Variants in PNKD observed in about 807,000 individuals in gnomAD.
PNKD encodes probable thioesterase PNKD.
Under a neutral mutation model 45.3 loss-of-function variants are expected in PNKD, and 36 were observed. That is an observed-to-expected ratio of 0.80 (90% confidence interval 0.61 to 1.05). The LOEUF is 1.05. Ranked by LOEUF, PNKD falls within the 50% of genes least tolerant of loss-of-function variation. PNKD has a pLI of 0.00. For missense variants in PNKD, 511 were observed against 506.6 expected (o/e 1.01, Z -0.08); for synonymous variants, 197 against 210.1 (o/e 0.94, Z 0.54).
chr2:218,342,687 G>A (rs969866915), intron 7 of PNKD, among the ~76,000 whole-genome samples: 2 of 151,934 alleles, frequency 1.3e-5, no homozygotes, highest in African/African-American at 4.8e-5. Context: ...AAGACAGAGT[G>A]AGACTCTGTC....
Position 218,318,950 on chromosome 2 carries a change from C to CTTTTTTTTT in PNKD, c.237-20819_237-20811dup, listed in dbSNP as rs769001811. Among the ~76,000 whole-genome samples the CTTTTTTTTT allele has an allele frequency of 2.6e-4, 26 of 99,906 alleles. 1 individual carries two copies. The highest frequency in any genetic ancestry group is 4.1e-4 in the Non-Finnish European group (22 of 53,636). 65.5% of individuals were successfully genotyped at this position (99,906 alleles called of 152,430 possible). Reference sequence around the variant, plus strand: ...GCACAAATCTTTTCTTTTTTTTTTTCTTTTTTTTTTTTTTTTTTTTTTGAG... The same window carrying CTTTTTTTTT: ...GCACAAATCTTTTCTTTTTTTTTTTCTTTTTTTTTTTTTTTTTTTTTTTTTTTTTTTGAG... On this transcript the variant is annotated intron_variant, in intron 2 of 9. Transcript: ENST00000273077.
rs763849272 is a variant in PNKD, at chr2:218,344,548, A to T, written c.962A>T (p.Gln321Leu). ...RERKMQWVQR[Q>L]RLERKGTCPS... Reference sequence around the variant, plus strand: ...AGGAAGATGCAGTGGGTGCAGCGGCAGCGGCTGGAGCGCAAGGGCACGGTG... The same window carrying T: ...AGGAAGATGCAGTGGGTGCAGCGGCTGCGGCTGGAGCGCAAGGGCACGGTG... The change falls in exon 9 of 10, where the codon CAG becomes CTG. Residue 321 changes from glutamine to leucine, a missense_variant. Gln to Leu is a moderately radical substitution (Grantham distance 113, BLOSUM62 -2). Transcript: ENST00000273077. 1.9e-6 allele frequency: 3 copies of T among 1,587,628 alleles called. No homozygotes were observed. The South Asian group carries it at 3.4e-5, about 18-fold the overall frequency.
chr2:218,343,962 G>A (rs1694755726), intron 8 of PNKD, among the ~76,000 whole-genome samples: 1 of 152,246 alleles, frequency 6.6e-6, no homozygotes, highest in African/African-American at 2.4e-5. Context: ...GCCTTGTGGT[G>A]CATAAAAACA....
chr2:218,336,253 G>A (rs1022375691), intron 2 of PNKD, among the ~76,000 whole-genome samples: 61 of 142,770 alleles, frequency 4.3e-4, no homozygotes, highest in Non-Finnish European at 8.3e-4. Context: ...GCCATTAAAA[G>A]TACTAAAATA....
chr2:218,291,166 C>G lies in PNKD; in HGVS notation c.236+19617C>G, dbSNP rs533532933. On this transcript the variant is annotated intron_variant, in intron 2 of 9. Coordinates refer to ENST00000273077, the MANE Select transcript of PNKD (RefSeq NM_015488.5). ...GCTCTCCCAACACTTACAGGATAACCCATCATTACCTCTCTGAAGGGCTCA... is the reference window on the plus strand; with the variant it reads ...GCTCTCCCAACACTTACAGGATAACGCATCATTACCTCTCTGAAGGGCTCA... Among the ~76,000 whole-genome samples, 8 of 152,276 alleles carry G rather than the reference C, an allele frequency of 5.3e-5. 1 individual carries two copies. In the South Asian group the frequency reaches 1.5e-3, roughly 28 times the overall value.
chr2:218,306,417 C>A (rs1693403789), intron 2 of PNKD, among the ~76,000 whole-genome samples: 1 of 152,162 alleles, frequency 6.6e-6, no homozygotes, highest in Non-Finnish European at 1.5e-5. Flanking sequence ...AGGACAGATG[C>A]TGATGTTGCA....
chr2:218,343,424 C>T lies in PNKD; in HGVS notation c.782-76C>T. The T allele has an allele frequency of 2.6e-6, 3 of 1,169,270 alleles. No individual in the cohort carries two copies. The South Asian group carries it at 3.9e-5, about 15-fold the overall frequency. The allele number at this position is 1,169,270 out of a possible 1,614,324, so 72.4% of individuals were successfully genotyped here. A position where few individuals can be genotyped will look rare whatever the true frequency, so the allele number is the denominator to read the frequency against. On this transcript the variant is annotated intron_variant, in intron 7 of 9. Coordinates refer to ENST00000273077, the MANE Select transcript of PNKD (RefSeq NM_015488.5). ...CAGCCAGAGCATTACAAGCTGGTTC[C>T]CACCTGTCTGGGTGTGCCTTATGCC...
rs1208967410 is a variant in PNKD at position 218,282,208 on chromosome 2, C to T, written c.236+10659C>T. ...TGAAATGGGAGAGGAGAAAAGCAAT[C>T]GTGAATGCCCAGGCCCAGCTCACTC... On this transcript the variant is annotated intron_variant, in intron 2 of 9. Transcript: ENST00000273077. 1.0e-5 allele frequency: 13 copies of T among 1,296,434 alleles called. No homozygotes were observed. In the Admixed American group the frequency reaches 2.4e-4, roughly 24 times the overall value. 80.3% of individuals were successfully genotyped at this position (1,296,434 alleles called of 1,614,324 possible).
At chr2:218,277,584 T>TC (rs1691355990) in intron 2 of PNKD, 1 of 1,613,126 alleles carries the variant, frequency 6.2e-7, no homozygotes, top group African/African-American at 1.3e-5. Flanking sequence ...AACACCCCAC[T>TC]CCCCACAATA....
chr2:218,274,755 T>G (rs1691035084), intron 2 of PNKD: 1 of 155,040 alleles, frequency 6.4e-6, no homozygotes, highest in African/African-American at 2.4e-5. Flanking sequence ...GATGGCCACA[T>G]GTGGCCTGCT....
chr2:218,302,156 T>A (rs1455125544), intron 2 of PNKD, among the ~76,000 whole-genome samples: 1 of 152,166 alleles, frequency 6.6e-6, no homozygotes, highest in Non-Finnish European at 1.5e-5. Context: ...GAGACCATCC[T>A]GGCTAACACG....
intron 1 of PNKD, chr2:218,270,879 A>G: frequency 5.1e-6 from 2 of 390,684 alleles, no homozygotes; most frequent in Non-Finnish European, 4.5e-6. Context: ...ACCGCAGTGC[A>G]GAGGAAAGAG....
chr2:218,278,215 G>A, intron 2 of PNKD: 1 of 606,054 alleles, frequency 1.7e-6, no homozygotes. Flanking sequence ...CTCTTAAACT[G>A]ACTGCCTGTG....
At chr2:218,316,655 A>C (rs1693824316) in intron 2 of PNKD, 1 of 152,232 alleles carries the variant, frequency 6.6e-6, no homozygotes, top group Non-Finnish European at 1.5e-5. Flanking sequence ...AGGTAGTCAC[A>C]GAAATTGTTT....
intron 2 of PNKD, among the ~76,000 whole-genome samples, chr2:218,276,777 G>A (rs1048618718): frequency 2.0e-5 from 3 of 152,102 alleles, no homozygotes; most frequent in Admixed American, 6.6e-5. Flanking sequence ...CAGTGATGCA[G>A]TCCAGGGCTT....
intron 2 of PNKD, chr2:218,272,681 G>A (rs753260557): frequency 1.2e-5 from 19 of 1,614,132 alleles, no homozygotes; most frequent in Non-Finnish European, 1.4e-5. Flanking sequence ...TGTCCAACAC[G>A]GGCGAGTATG....
intron 2 of PNKD, among the ~76,000 whole-genome samples, chr2:218,318,956 T>TTTTTTTTTTTTTTTTTTTTTTTTC (rs1693899133): frequency 8.7e-6 from 1 of 115,272 alleles, no homozygotes; most frequent in Non-Finnish European, 1.7e-5. Flanking sequence ...TTTTCTTTTT[T>TTTTTTTTTTTTTTTTTTTTTTTTC]TTTTTTTTTT....
chr2:218,277,621 C>T (rs765945225), intron 2 of PNKD: 2 of 1,614,194 alleles, frequency 1.2e-6, no homozygotes, highest in Non-Finnish European at 1.7e-6. Flanking sequence ...GGTGCTTTAT[C>T]CCTGAATGTA....
Position 218,343,522 on chromosome 2 carries a change from A to G in PNKD, c.804A>G (p.Ala268=). ...SGCGRTFEGN[A]ETMLSSLDTV... ...CAGGGCGGACCTTTGAGGGCAATGC[A>G]GAGACCATGCTGAGCTCACTGGACA... The change falls in exon 8 of 10, where the codon GCA becomes GCG. Residue 268 remains alanine, a synonymous_variant. Transcript: ENST00000273077. The G allele has an allele frequency of 6.2e-7, 1 of 1,613,672 alleles. No homozygotes were observed. The highest frequency in any genetic ancestry group is 8.5e-7 in the Non-Finnish European group (1 of 1,179,804).
Sources: allele counts gnomAD v4.1 joint callset (sites outside exome capture counted in the v4.1 genomes callset), GRCh38; gene constraint gnomAD v4.1.1; transcripts MANE v1.5; gene names NCBI Gene and HGNC (gene_info 2026-07-23, HGNC 2026-07-21).